DNM3: variants seen among roughly 807,000 people sequenced by gnomAD.
DNM3 encodes the protein dynamin 3, also known as dynamin-3.
A neutral mutation model predicts 101.6 loss-of-function variants in DNM3; 47 were observed. The observed-to-expected ratio is 0.46, with a 90% CI of 0.37 to 0.59. The LOEUF is 0.59. Ranked by LOEUF, DNM3 falls within the 20% of genes least tolerant of loss-of-function variation. The pLI is 0.00. For synonymous variants in DNM3, 385 were observed against 387.9 expected (o/e 0.99, Z 0.09); for missense variants, 849 against 1,085.7 (o/e 0.78, Z 3.06).
At chr1:172,135,877 TA>T (rs1300214095) in intron 14 of DNM3, among the ~76,000 whole-genome samples, 3 of 152,110 alleles carry the variant, frequency 2.0e-5, no homozygotes, top group African/African-American at 4.8e-5. Context: ...AAATTTGTTT[TA>T]AAAATACATA....
rs576954486 is a variant in DNM3, at chr1:172,044,302, C to G, written c.1129-83C>G. ...AGTATCCACTTATTAATAATGAAGT[C>G]AAGTTATTCTCATTCTGTAATGTTC... On this transcript the variant is annotated intron_variant, in intron 8 of 20. Transcript: ENST00000627582. The G allele has an allele frequency of 2.5e-6, 3 of 1,185,526 alleles. No homozygotes were observed. In the South Asian group the frequency reaches 4.6e-5, roughly 18 times the overall value. The allele number at this position is 1,185,526 out of a possible 1,614,324, so 73.4% of individuals were successfully genotyped here.
At chr1:171,996,647 A>G (rs933511499) in intron 4 of DNM3, among the ~76,000 whole-genome samples, 3 of 152,088 alleles carry the variant, frequency 2.0e-5, no homozygotes, top group African/African-American at 7.2e-5. Context: ...ACTTCTTTGA[A>G]CCTTATTACT....
rs139164918 is a variant in DNM3, at chr1:172,067,884, A to G, written c.1336-935A>G. Among the ~76,000 whole-genome samples the G allele has an allele frequency of 9.0e-3, 1,369 of 152,286 alleles. 19 individuals carry two copies. The highest frequency in any genetic ancestry group is 0.03 in the African/African-American group (1,257 of 41,558). ...AGTTAAAGGAGTCTCTTTGTGCTTC[A>G]TGGGATGAATCATGCTCGAAGAGTA... On this transcript the variant is annotated intron_variant, in intron 10 of 20. Transcript: ENST00000627582.
At chr1:172,062,511 T>TTA (rs2051321155) in intron 10 of DNM3, among the ~76,000 whole-genome samples, 1 of 152,196 alleles carries the variant, frequency 6.6e-6, no homozygotes, top group Non-Finnish European at 1.5e-5. Context: ...TTTTTCCATC[T>TTA]TATACCTCAC....
At chr1:171,929,774 T>C (rs1030964794) in intron 2 of DNM3, among the ~76,000 whole-genome samples, 5 of 152,160 alleles carry the variant, frequency 3.3e-5, no homozygotes, top group Non-Finnish European at 7.4e-5. Context: ...AAGACCCCAG[T>C]TGGGAGGTCC....
At chr1:172,012,820 T>C (rs547245046) in intron 4 of DNM3, among the ~76,000 whole-genome samples, 2 of 152,186 alleles carry the variant, frequency 1.3e-5, no homozygotes, top group South Asian at 2.1e-4. Context: ...TATTACCTGA[T>C]GATTTTTAAA....
At chr1:172,106,191 C>T (rs1212846757) in intron 13 of DNM3, among the ~76,000 whole-genome samples, 1 of 152,080 alleles carries the variant, frequency 6.6e-6, no homozygotes, top group Non-Finnish European at 1.5e-5. Flanking sequence ...GAGGCCAAGG[C>T]AGGCAGACCA....
At chr1:171,893,177 C>T (rs1035080751) in intron 1 of DNM3, among the ~76,000 whole-genome samples, 3 of 152,158 alleles carry the variant, frequency 2.0e-5, no homozygotes, top group Non-Finnish European at 4.4e-5. Flanking sequence ...TGTTTTGTCA[C>T]ATTCTGCATT....
intron 16 of DNM3, chr1:172,310,347 T>C (rs1187172750): frequency 2.6e-5 from 4 of 152,230 alleles, no homozygotes; most frequent in Non-Finnish European, 5.9e-5. Flanking sequence ...GCTGCCATTC[T>C]AGGCCCTGGT....
At chr1:172,030,756 C>T (rs1229999179) in intron 4 of DNM3, among the ~76,000 whole-genome samples, 2 of 152,180 alleles carry the variant, frequency 1.3e-5, no homozygotes, top group Non-Finnish European at 2.9e-5. Flanking sequence ...TGAACAGACA[C>T]TTCTCGAATG....
At chr1:172,325,707 T>G (rs1264274490) in intron 17 of DNM3, among the ~76,000 whole-genome samples, 4 of 152,196 alleles carry the variant, frequency 2.6e-5, no homozygotes, top group Non-Finnish European at 4.4e-5. Flanking sequence ...GCTGGAATGC[T>G]TGTTCTGAGT....
chr1:172,309,869 C>A, intron 16 of DNM3: 1 of 152,326 alleles, frequency 6.6e-6, no homozygotes, highest in East Asian at 1.9e-4. Flanking sequence ...TGAGGACTTG[C>A]ACCAAAATGT....
rs10683483 is a variant in DNM3, at chr1:172,359,125, A to AACACACACACACACACAC, written c.1894-19873_1894-19856dup. ...ATGGGCATCTGAACAACTCCCACAA[A>AACACACACACACACACAC]ACACACACACACACACACACACACA... On this transcript the variant is annotated intron_variant, in intron 17 of 20. Coordinates refer to ENST00000627582, the MANE Select transcript of DNM3 (RefSeq NM_015569.5). Among the ~76,000 whole-genome samples the AACACACACACACACACAC allele has an allele frequency of 2.3e-4, 34 of 145,818 alleles. 1 individual carries two copies. Among genetic ancestry groups the AACACACACACACACACAC allele is most frequent in the South Asian group, 1.1e-3 (5 of 4,380 alleles).
chr1:171,901,845 A>T (rs2038385228), intron 1 of DNM3, among the ~76,000 whole-genome samples: 1 of 152,156 alleles, frequency 6.6e-6, no homozygotes, highest in Middle Eastern at 3.2e-3. Context: ...GCTAGCTGGG[A>T]CCTTTCCTAA....
intron 14 of DNM3, among the ~76,000 whole-genome samples, chr1:172,192,597 A>G (rs533355461): frequency 3.5e-5 from 5 of 141,708 alleles, no homozygotes; most frequent in Non-Finnish European, 7.5e-5. Flanking sequence ...TCATTGTTCA[A>G]TTCCCACCTA....
chr1:172,397,751 ATT>A (rs35586435), intron 20 of DNM3, among the ~76,000 whole-genome samples: 3 of 150,864 alleles, frequency 2.0e-5, no homozygotes, highest in African/African-American at 4.9e-5. Context: ...TATAGATTTC[ATT>A]TTTTTTTTCC....
intron 11 of DNM3, among the ~76,000 whole-genome samples, chr1:172,073,568 G>A (rs2052393817): frequency 6.6e-6 from 1 of 152,138 alleles, no homozygotes; most frequent in Non-Finnish European, 1.5e-5. Context: ...ATCATGGATG[G>A]CTTTCTTGAG....
chr1:171,895,773 TC>T (rs1446859558), intron 1 of DNM3, among the ~76,000 whole-genome samples: 1 of 152,136 alleles, frequency 6.6e-6, no homozygotes, highest in Non-Finnish European at 1.5e-5. Context: ...TGGTTTTAGG[TC>T]TAACATTTAA....
chr1:171,902,492 A>C (rs1431494417), intron 1 of DNM3, among the ~76,000 whole-genome samples: 1 of 152,212 alleles, frequency 6.6e-6, no homozygotes, highest in East Asian at 1.9e-4. Flanking sequence ...TGAAATCTAG[A>C]CAATGGCTTA....
Sources: gnomAD v4.1 joint callset for allele counts (sites outside exome capture counted in the v4.1 genomes callset) on GRCh38, gnomAD v4.1.1 for gene constraint, MANE v1.5 for transcripts, NCBI Gene and HGNC (gene_info 2026-07-23, HGNC 2026-07-21) for gene names.